The following CLIC5 variants were observed in gnomAD, a reference collection of about 807,000 sequenced individuals.
CLIC5 encodes chloride intracellular channel protein 5.
A neutral mutation model predicts 24.7 loss-of-function variants in CLIC5; 20 were observed. That is an observed-to-expected ratio of 0.81 (90% confidence interval 0.57 to 1.18). The LOEUF (loss-of-function observed/expected upper bound fraction) is 1.18, where lower values mean the gene tolerates loss of function less well. Among genes scored for constraint, CLIC5 ranks in the 50% most tolerant of loss-of-function variants. CLIC5 has a pLI of 0.00. For synonymous variants in CLIC5, 159 were observed against 135.6 expected, an observed-to-expected ratio of 1.17 and a Z score of -1.20; for missense variants, 341 against 326.1, an observed-to-expected ratio of 1.05 and a Z score of -0.35.
intron 3 of CLIC5, among the ~76,000 whole-genome samples, chr6:45,942,224 A>G (rs940878745): frequency 6.6e-6 from 1 of 152,188 alleles, no homozygotes; most frequent in Admixed American, 6.5e-5. Context: ...TGCAGAAACT[A>G]CCAAGCTCCA....
chr6:46,072,371 A>G (rs1175467184), intron 1 of CLIC5, among the ~76,000 whole-genome samples: 2 of 151,652 alleles, frequency 1.3e-5, no homozygotes, highest in African/African-American at 4.8e-5. Flanking sequence ...ACTGATCAGT[A>G]GTGGCCAAGA....
At chr6:45,959,830 C>T (rs1764789035) in intron 1 of CLIC5, among the ~76,000 whole-genome samples, 1 of 152,150 alleles carries the variant, frequency 6.6e-6, no homozygotes, top group African/African-American at 2.4e-5. Flanking sequence ...ATTTCATCAA[C>T]CAGAATGTTT....
chr6:46,070,312 A>G (rs1762557383), intron 1 of CLIC5, among the ~76,000 whole-genome samples: 1 of 152,220 alleles, frequency 6.6e-6, no homozygotes, highest in African/African-American at 2.4e-5. Flanking sequence ...ATGATTTTAT[A>G]TCTAGAAAAC....
Position 46,041,047 on chromosome 6 carries a change from G to T in CLIC5, c.540+38656C>A, listed in dbSNP as rs1012870413. Among the ~76,000 whole-genome samples, 3 of 152,258 alleles carry T rather than the reference G, an allele frequency of 2.0e-5. No individual in the cohort carries two copies. In the East Asian group the frequency reaches 5.8e-4, roughly 29 times the overall value. On this transcript the variant is annotated intron_variant, in intron 1 of 5. Coordinates refer to the CLIC5 transcript ENST00000185206. The stretch of plus-strand genomic sequence containing the variant: ...ACAAAAGCCTCAGCAATAGGGAAAT[G>T]ACTAAGAAAATTGTGATACATCAAG...
chr6:46,004,034 C>A (rs537977566), intron 1 of CLIC5, among the ~76,000 whole-genome samples: 120 of 152,306 alleles, frequency 7.9e-4, no homozygotes, highest in African/African-American at 2.6e-3. Flanking sequence ...CACAAGGAAC[C>A]ATTTTAACAG....
intron 1 of CLIC5, among the ~76,000 whole-genome samples, chr6:46,035,808 G>A (rs1243856507): frequency 1.3e-5 from 2 of 151,530 alleles, no homozygotes; most frequent in East Asian, 1.9e-4. Flanking sequence ...GCAGTGGTGC[G>A]ATCTCAGCTC....
At chr6:46,033,104 T>C (rs1767557336) in intron 1 of CLIC5, among the ~76,000 whole-genome samples, 1 of 147,700 alleles carries the variant, frequency 6.8e-6, no homozygotes, top group South Asian at 2.2e-4. Flanking sequence ...TTCTCCTGCC[T>C]CAGCCTCCTG....
the CLIC5 span, among the ~76,000 whole-genome samples, chr6:46,092,707 A>G: frequency 6.6e-6 from 1 of 152,150 alleles, no homozygotes; most frequent in African/African-American, 2.4e-5. Flanking sequence ...TTTCCCTGCT[A>G]GTATTTGTTG....
intron 5 of CLIC5, among the ~76,000 whole-genome samples, chr6:45,904,818 G>A (rs1163159968): frequency 6.6e-6 from 1 of 150,586 alleles, no homozygotes; most frequent in African/African-American, 2.4e-5. Context: ...GCTGAGGTTT[G>A]GGGTATGATT....
chr6:45,905,050 A>G (rs1246756932), intron 5 of CLIC5, among the ~76,000 whole-genome samples: 1 of 152,160 alleles, frequency 6.6e-6, no homozygotes, highest in Non-Finnish European at 1.5e-5. Context: ...TAAAAAGGAC[A>G]TGACTTTGTT....
intron 1 of CLIC5, among the ~76,000 whole-genome samples, chr6:46,004,829 T>C (rs1766492909): frequency 6.6e-6 from 1 of 152,120 alleles, no homozygotes; most frequent in African/African-American, 2.4e-5. Context: ...CCCAGAACCT[T>C]CAATTCCACA....
At chr6:45,894,735 G>T (rs1398063284), downstream of CLIC5, among the ~76,000 whole-genome samples, 1 of 152,210 alleles carries the variant, frequency 6.6e-6, no homozygotes, top group Admixed American at 6.5e-5. Context: ...AGGGCCAAAT[G>T]ATTATAAGGT....
At chr6:46,070,581 A>G (rs1184699214) in intron 1 of CLIC5, among the ~76,000 whole-genome samples, 2 of 152,204 alleles carry the variant, frequency 1.3e-5, no homozygotes, top group East Asian at 3.8e-4. Context: ...GAGGACACAA[A>G]CAAATGGAAA....
intron 4 of CLIC5, among the ~76,000 whole-genome samples, chr6:45,915,819 C>A (rs1763008759): frequency 6.6e-6 from 1 of 152,152 alleles, no homozygotes; most frequent in South Asian, 2.1e-4. Flanking sequence ...GAGAACACTA[C>A]CATAGAAACT....
At chr6:45,977,690 C>A (rs960472332) in intron 1 of CLIC5, among the ~76,000 whole-genome samples, 4 of 152,128 alleles carry the variant, frequency 2.6e-5, no homozygotes, top group African/African-American at 9.7e-5. Flanking sequence ...TGACTAGGCT[C>A]AGGTTGGCTA....
intron 1 of CLIC5, among the ~76,000 whole-genome samples, chr6:45,985,066 T>C (rs529372886): frequency 9.2e-5 from 14 of 152,172 alleles, no homozygotes; most frequent in Non-Finnish European, 1.5e-4. Flanking sequence ...ACACTGAAAT[T>C]AGCTTGGTCA....
chr6:46,038,992 T>G (rs1397261622), intron 1 of CLIC5, among the ~76,000 whole-genome samples: 1 of 152,166 alleles, frequency 6.6e-6, no homozygotes, highest in African/African-American at 2.4e-5. Flanking sequence ...AATGCATACA[T>G]AAGAATTTAG....
At chr6:45,882,351 G>T (rs1762271139) in intron 6 of CLIC5, among the ~76,000 whole-genome samples, 1 of 152,214 alleles carries the variant, frequency 6.6e-6, no homozygotes, top group South Asian at 2.1e-4. Context: ...GATGTCATTT[G>T]TGTGCCCTGC....
In CLIC5 at chr6:45,926,677, GT is replaced by G. The variant is rs573534733; in HGVS notation, c.407-12269del. 4.2e-3 allele frequency among the ~76,000 whole-genome samples: 632 copies of G among 152,192 alleles called. 4 individuals carry two copies. The highest frequency in any genetic ancestry group is 0.014 in the African/African-American group (597 of 41,524). On this transcript the variant is annotated intron_variant, in intron 4 of 5. Coordinates refer to ENST00000339561, the MANE Select transcript of CLIC5 (RefSeq NM_016929.5). The stretch of plus-strand genomic sequence containing the variant: ...AAAAGTCTAGAATTTAGCCTTCTGT[GT>G]TTTCTCTTTTGACTCTTGGTGAAGT...
Sources: gnomAD v4.1 joint callset for allele counts (sites outside exome capture counted in the v4.1 genomes callset) on GRCh38, gnomAD v4.1.1 for gene constraint, MANE v1.5 for transcripts, NCBI Gene and HGNC (gene_info 2026-07-23, HGNC 2026-07-21) for gene names.